Variants in ARHGAP26 observed in about 807,000 individuals in gnomAD.
The protein encoded by ARHGAP26 is Rho GTPase activating protein 26, also known as rho GTPase-activating protein 26.
Under a neutral mutation model 104.8 loss-of-function variants are expected in ARHGAP26, and 38 were observed. The ratio of observed to expected loss-of-function variants is 0.36; its 90% CI spans 0.28 to 0.48. The LOEUF is 0.48. ARHGAP26 is among the 20% of genes least tolerant of loss of function. The probability of loss-of-function intolerance (pLI) is 0.99; values close to 1 mark genes in which losing one functional copy is unlikely to be tolerated. For synonymous variants in ARHGAP26, 341 were observed against 340.0 expected (o/e 1.00, Z -0.03); for missense variants, 704 against 947.9 (o/e 0.74, Z 3.38).
At chr5:142,859,324 C>T (rs903572211) in intron 1 of ARHGAP26, among the ~76,000 whole-genome samples, 4 of 152,078 alleles carry the variant, frequency 2.6e-5, no homozygotes, top group African/African-American at 7.2e-5. Context: ...AGGGTATTCC[C>T]GTGCCCAGGA....
chr5:142,886,436 G>A (rs1429461462), intron 5 of ARHGAP26, among the ~76,000 whole-genome samples: 2 of 152,168 alleles, frequency 1.3e-5, no homozygotes, highest in African/African-American at 2.4e-5. Context: ...TTTGAAATAA[G>A]TATTTAATCC....
At chr5:142,982,215 A>G (rs534260149) in intron 11 of ARHGAP26, among the ~76,000 whole-genome samples, 13 of 152,380 alleles carry the variant, frequency 8.5e-5, no homozygotes, top group Admixed American at 2.6e-4. Context: ...AGCAAGTTAC[A>G]TAAGTTGTTG....
chr5:143,000,569 C>T (rs1479758164), intron 11 of ARHGAP26, among the ~76,000 whole-genome samples: 1 of 152,192 alleles, frequency 6.6e-6, no homozygotes, highest in Non-Finnish European at 1.5e-5. Context: ...TATAAAGACA[C>T]ATGTACACGT....
At chr5:143,213,037 C>T (rs1809758245) in intron 21 of ARHGAP26, among the ~76,000 whole-genome samples, 2 of 151,976 alleles carry the variant, frequency 1.3e-5, no homozygotes, top group South Asian at 2.1e-4. Flanking sequence ...CCCAGCTACT[C>T]GGGAGGCTGA....
intron 11 of ARHGAP26, among the ~76,000 whole-genome samples, chr5:142,966,085 T>C (rs1328222115): frequency 6.6e-6 from 1 of 152,166 alleles, no homozygotes; most frequent in Non-Finnish European, 1.5e-5. Flanking sequence ...TTCTATAAGG[T>C]TGGGATGGCA....
intron 11 of ARHGAP26, among the ~76,000 whole-genome samples, chr5:142,980,104 A>G (rs73294320): frequency 0.03 from 4,517 of 152,198 alleles, 223 homozygotes; most frequent in African/African-American, 0.1. Context: ...TTATATTGCC[A>G]TTGATTAGTT....
intron 11 of ARHGAP26, among the ~76,000 whole-genome samples, chr5:142,966,389 A>G (rs1388986090): frequency 1.3e-5 from 2 of 152,076 alleles, no homozygotes; most frequent in Non-Finnish European, 2.9e-5. Context: ...TTTTTTCTAC[A>G]TGCCTTCTGT....
chr5:142,857,421 T>A (rs1752543134), intron 1 of ARHGAP26, among the ~76,000 whole-genome samples: 1 of 152,140 alleles, frequency 6.6e-6, no homozygotes, highest in African/African-American at 2.4e-5. Flanking sequence ...CTAGGATTCC[T>A]GTCTCTGCTG....
intron 17 of ARHGAP26, among the ~76,000 whole-genome samples, chr5:143,085,802 A>G (rs1375035553): frequency 6.6e-6 from 1 of 152,236 alleles, no homozygotes; most frequent in Admixed American, 6.5e-5. Flanking sequence ...GAGGAAGGAA[A>G]CAAACCTCCT....
At chr5:143,076,567 C>T (rs1009033493) in intron 17 of ARHGAP26, among the ~76,000 whole-genome samples, 7 of 152,184 alleles carry the variant, frequency 4.6e-5, no homozygotes, top group African/African-American at 1.7e-4. Flanking sequence ...CAAATGTTAA[C>T]ATTGGCATCC....
intron 1 of ARHGAP26, among the ~76,000 whole-genome samples, chr5:142,868,600 G>C (rs1754736214): frequency 6.6e-6 from 1 of 152,206 alleles, no homozygotes; most frequent in Non-Finnish European, 1.5e-5. Context: ...GGCACATGAG[G>C]GAGCCTGCTG....
intron 12 of ARHGAP26, among the ~76,000 whole-genome samples, chr5:143,024,541 A>G (rs1562281429): frequency 6.6e-6 from 1 of 152,168 alleles, no homozygotes; most frequent in Non-Finnish European, 1.5e-5. Context: ...GCAAGGGGTT[A>G]TTGAGACAGA....
chr5:143,212,242 C>T (rs1168675206), intron 21 of ARHGAP26, among the ~76,000 whole-genome samples: 2 of 151,852 alleles, frequency 1.3e-5, no homozygotes, highest in African/African-American at 4.8e-5. Flanking sequence ...CTCCTTTCAC[C>T]TTCAATGTCA....
chr5:143,120,589 T>C (rs1796018237), intron 17 of ARHGAP26, among the ~76,000 whole-genome samples: 1 of 152,204 alleles, frequency 6.6e-6, no homozygotes, highest in Non-Finnish European at 1.5e-5. Flanking sequence ...AGGTTTTACA[T>C]TTGCCATGGA....
chr5:143,065,975 C>T (rs1165409145), intron 17 of ARHGAP26, among the ~76,000 whole-genome samples: 3 of 152,106 alleles, frequency 2.0e-5, no homozygotes, highest in South Asian at 2.1e-4. Context: ...TTCTCTTCTC[C>T]GCCTCATTCC....
chr5:143,172,493 A>C (rs1250752144), intron 20 of ARHGAP26, among the ~76,000 whole-genome samples: 1 of 152,214 alleles, frequency 6.6e-6, no homozygotes, highest in Admixed American at 6.5e-5. Context: ...GTTCATCAAG[A>C]GCTACAAGTT....
At chr5:143,148,968 C>T (rs892309426) in intron 20 of ARHGAP26, among the ~76,000 whole-genome samples, 1 of 152,124 alleles carries the variant, frequency 6.6e-6, no homozygotes, top group African/African-American at 2.4e-5. Flanking sequence ...TAACTGTGGG[C>T]CCCTGAGTCA....
intron 11 of ARHGAP26, among the ~76,000 whole-genome samples, chr5:142,990,543 T>C (rs946666241): frequency 6.6e-6 from 1 of 152,182 alleles, no homozygotes; most frequent in Non-Finnish European, 1.5e-5. Flanking sequence ...GATGCTCTGA[T>C]TTTTAGAATT....
intron 17 of ARHGAP26, among the ~76,000 whole-genome samples, chr5:143,115,213 A>G (rs1329117224): frequency 6.6e-6 from 1 of 151,910 alleles, no homozygotes; most frequent in Non-Finnish European, 1.5e-5. Context: ...TGCACCTGTA[A>G]TCCCAGCTAC....
Sources: gnomAD v4.1 joint callset for allele counts (sites outside exome capture counted in the v4.1 genomes callset) on GRCh38, gnomAD v4.1.1 for gene constraint, MANE v1.5 for transcripts, NCBI Gene and HGNC (gene_info 2026-07-23, HGNC 2026-07-21) for gene names.